TOX2: variants seen among roughly 807,000 people sequenced by gnomAD.
The protein encoded by TOX2 is granulosa cell HMG box 1.
Under a neutral mutation model 47.4 loss-of-function variants are expected in TOX2, and 15 were observed. That is an observed-to-expected ratio of 0.32 (90% CI 0.21 to 0.49). The LOEUF (loss-of-function observed/expected upper bound fraction) is 0.49. Ranked by LOEUF, TOX2 falls within the 20% of genes least tolerant of loss-of-function variation. TOX2 has a pLI of 0.99. For missense variants in TOX2, 622 were observed against 673.1 expected, an observed-to-expected ratio of 0.92 and a Z score of 0.84; for synonymous variants, 290 against 296.6, an observed-to-expected ratio of 0.98 and a Z score of 0.23.
At position 44,066,778 on chromosome 20, in the gene TOX2, C is replaced by T. The variant is rs749626169; in HGVS notation, c.1405C>T (p.Pro469Ser). Residue 469 changes from proline to serine, a missense_variant, in exon 8 of 9, where the codon CCT becomes TCT. Physicochemically the swap from Pro to Ser is moderately conservative, Grantham distance 74. This residue lies in a region of TOX2 where 294 missense variants were observed against 300.0 expected (regional missense o/e 0.98). Coordinates refer to ENST00000341197, the MANE Select transcript of TOX2 (RefSeq NM_001098797.2). ...CCCCAGCAGCTCGGGATCCTGCTCA[C>T]CTGGCCCATCCAACCCCACCAGCAG... ...EFPSSSGSCS[P>S]GPSNPTSSGD... 2 of 1,614,232 alleles carry T rather than the reference C, an allele frequency of 1.2e-6. No homozygotes were observed. Among genetic ancestry groups the T allele is most frequent in the Non-Finnish European group, 1.7e-6 (2 of 1,180,036 alleles).
intron 2 of TOX2, among the ~76,000 whole-genome samples, chr20:43,993,628 A>G (rs2070410626): frequency 6.6e-6 from 1 of 152,040 alleles, no homozygotes; most frequent in African/African-American, 2.4e-5. Context: ...CTGACCCTCC[A>G]CCTGTTTTGT....
At position 44,065,739 on chromosome 20, in the gene TOX2, A is replaced by G. The variant is rs2071802516; in HGVS notation, c.988A>G (p.Ser330Gly). The G allele has an allele frequency of 1.9e-6, 3 of 1,599,984 alleles. No homozygotes were observed. The highest frequency in any genetic ancestry group is 2.2e-5 in the South Asian group (2 of 89,802). ...CTCCCCAGATCAAGGTGAGACCAAG[A>G]GCACTCAGGCAAACCCACCAGCCAA... ...KSSPDQGETK[S>G]TQANPPAKML... Residue 330 changes from serine to glycine, a missense_variant, in exon 7 of 9, where the codon AGC (serine) becomes GGC (glycine). Transcript: ENST00000341197.
intron 2 of TOX2, among the ~76,000 whole-genome samples, chr20:43,998,939 T>C (rs565567612): frequency 3.3e-5 from 5 of 152,286 alleles, no homozygotes; most frequent in African/African-American, 4.8e-5. Flanking sequence ...TTTGTATTTT[T>C]AGTAGAGATG....
At chr20:43,929,231 T>C (rs2069221007) in intron 1 of TOX2, among the ~76,000 whole-genome samples, 1 of 152,188 alleles carries the variant, frequency 6.6e-6, no homozygotes, top group Non-Finnish European at 1.5e-5. Flanking sequence ...GGCTTTCTGT[T>C]GTAGCTTGAT....
chr20:44,038,894 C>T (rs1193773570), intron 3 of TOX2: 3 of 1,124,122 alleles, frequency 2.7e-6, no homozygotes, highest in South Asian at 1.7e-5. Context: ...CCCTGCGAAG[C>T]TATTAAGCTC....
In TOX2 at chr20:43,916,069, G is replaced by C; in HGVS notation, c.99+1079G>C. On this transcript the variant is annotated intron_variant, in intron 1 of 8. Coordinates refer to ENST00000341197, the MANE Select transcript of TOX2 (RefSeq NM_001098797.2). The surrounding 1 kb of genome is among the most constrained non-coding windows in gnomAD (Gnocchi z 5.0). ...ACTTAGTTAGGAAGCCAGACTGTCCGCGCGTCCGCCAGTCGGTGCGTCGGT... is the reference window on the plus strand; with the variant it reads ...ACTTAGTTAGGAAGCCAGACTGTCCCCGCGTCCGCCAGTCGGTGCGTCGGT... The C allele has an allele frequency of 2.1e-6, 2 of 960,894 alleles. No individual in the cohort carries two copies. Among genetic ancestry groups the C allele is most frequent in the Non-Finnish European group, 2.5e-6 (2 of 807,640 alleles). 59.5% of individuals were successfully genotyped at this position (960,894 alleles called of 1,614,324 possible).
intron 1 of TOX2, among the ~76,000 whole-genome samples, chr20:43,934,136 GGAGAGAGAGAGAGA>G (rs56662660): frequency 8.2e-6 from 1 of 122,084 alleles, no homozygotes; most frequent in East Asian, 2.4e-4. Flanking sequence ...CCCAAGGTAA[GGAGAGAGAGAGAGA>G]GAGAGAGAGA....
chr20:44,010,328 G>A (rs1017460585), intron 3 of TOX2, among the ~76,000 whole-genome samples: 3 of 152,156 alleles, frequency 2.0e-5, no homozygotes, highest in Non-Finnish European at 2.9e-5. Flanking sequence ...ACTTGCAGTC[G>A]TTTTCCAGAT....
chr20:44,027,792 G>A (rs979573288), intron 3 of TOX2, among the ~76,000 whole-genome samples: 29 of 152,212 alleles, frequency 1.9e-4, no homozygotes, highest in African/African-American at 6.8e-4. Flanking sequence ...CCAGTGGGGA[G>A]CAGGACAAGC....
intron 3 of TOX2, among the ~76,000 whole-genome samples, chr20:44,018,177 T>A (rs1293871899): frequency 6.6e-6 from 1 of 152,196 alleles, no homozygotes; most frequent in East Asian, 1.9e-4. Context: ...TGTTCAGACC[T>A]GATCACCACC....
chr20:44,021,238 G>C (rs900691950), intron 3 of TOX2, among the ~76,000 whole-genome samples: 3 of 152,130 alleles, frequency 2.0e-5, no homozygotes, highest in Non-Finnish European at 4.4e-5. Context: ...GGGAAGGGAT[G>C]GATCAGCAAA....
At chr20:44,001,466 G>A (rs1473966128) in intron 2 of TOX2, among the ~76,000 whole-genome samples, 1 of 152,230 alleles carries the variant, frequency 6.6e-6, no homozygotes, top group Non-Finnish European at 1.5e-5. Context: ...GAAGAGGCAT[G>A]TTCATGTTTG....
At chr20:43,976,330 C>T (rs553402534) in intron 2 of TOX2, among the ~76,000 whole-genome samples, 10 of 152,360 alleles carry the variant, frequency 6.6e-5, no homozygotes, top group African/African-American at 2.4e-4. Flanking sequence ...GGGAGGCTCA[C>T]CTGTGTTCCA....
chr20:44,031,754 A>G (rs964535050), intron 3 of TOX2, among the ~76,000 whole-genome samples: 6 of 152,122 alleles, frequency 3.9e-5, no homozygotes, highest in African/African-American at 1.4e-4. Flanking sequence ...TGGATTTGGG[A>G]GACCAGGAGG....
At chr20:44,014,727 G>A (rs2070846051) in intron 3 of TOX2, among the ~76,000 whole-genome samples, 1 of 152,198 alleles carries the variant, frequency 6.6e-6, no homozygotes, top group Non-Finnish European at 1.5e-5. Flanking sequence ...GTAAATGTAA[G>A]CTGCTCTGTT....
chr20:43,986,440 C>A (rs1458904310), intron 2 of TOX2, among the ~76,000 whole-genome samples: 1 of 151,988 alleles, frequency 6.6e-6, no homozygotes, highest in Non-Finnish European at 1.5e-5. Context: ...TGCCATCATG[C>A]CCAGCTAATT....
rs62206197 is a variant in TOX2, at chr20:43,923,797, C to T, written c.99+8807C>T. On this transcript the variant is annotated intron_variant, in intron 1 of 8. Transcript: ENST00000341197. ...AAGGTTTATGTGGGGAAGTTCTCTGCGGTGAGGTGGGCGGAAGGGGTGCAC... is the reference window on the plus strand; with the variant it reads ...AAGGTTTATGTGGGGAAGTTCTCTGTGGTGAGGTGGGCGGAAGGGGTGCAC... 1.5e-3 allele frequency among the ~76,000 whole-genome samples: 235 copies of T among 152,156 alleles called. 1 individual carries two copies. The highest frequency in any genetic ancestry group is 2.5e-3 in the Non-Finnish European group (169 of 67,990).
At chr20:43,917,735 A>G (rs888582026) in intron 1 of TOX2, among the ~76,000 whole-genome samples, 26 of 152,214 alleles carry the variant, frequency 1.7e-4, no homozygotes, top group Admixed American at 8.5e-4. Flanking sequence ...GAGAAAATGC[A>G]CACTAATGAA....
intron 1 of TOX2, among the ~76,000 whole-genome samples, chr20:43,961,086 G>A (rs138048187): frequency 5.9e-5 from 9 of 152,362 alleles, no homozygotes; most frequent in African/African-American, 2.2e-4. Context: ...TGATATTATG[G>A]CGCTAGGGTC....
Sources: gnomAD v4.1 joint callset for allele counts (sites outside exome capture counted in the v4.1 genomes callset) on GRCh38, gnomAD v4.1.1 for gene constraint, gnomAD v4.1.1 regional missense constraint, Gnocchi (gnomAD v3.1) non-coding constraint, MANE v1.5 for transcripts, NCBI Gene and HGNC (gene_info 2026-07-23, HGNC 2026-07-21) for gene names.